Variants in CSN1S1 observed in about 807,000 individuals in gnomAD.
The protein encoded by CSN1S1 is alpha-S1-casein.
Under a neutral mutation model 49.1 loss-of-function variants are expected in CSN1S1, and 63 were observed. That is an observed-to-expected ratio of 1.28 (90% CI 1.05 to 1.58). CSN1S1 has a LOEUF of 1.58. Among genes scored for constraint, CSN1S1 ranks in the 40% most tolerant of loss-of-function variants. The pLI, the probability that CSN1S1 is intolerant of heterozygous loss-of-function variation, is 0.00. For missense variants in CSN1S1, 260 were observed against 224.7 expected (o/e 1.16, Z -1.01); for synonymous variants, 78 against 67.1 (o/e 1.16, Z -0.79).
At chr4:69,941,476 A>T (rs187034615) in intron 12 of CSN1S1, among the ~76,000 whole-genome samples, 8 of 151,984 alleles carry the variant, frequency 5.3e-5, no homozygotes, top group Admixed American at 2.0e-4. Context: ...TAAACATCAG[A>T]TTTGCTTCTG....
chr4:69,936,478 G>T lies in CSN1S1; in HGVS notation c.152G>T (p.Arg51Met). Residue 51 changes from arginine to methionine, a missense_variant and splice_region_variant, in exon 6 of 16, where the codon AGG becomes ATG. Arg to Met is a moderately conservative substitution (Grantham distance 91, BLOSUM62 -1). Coordinates refer to ENST00000246891, the MANE Select transcript of CSN1S1 (RefSeq NM_001890.2). Reference protein sequence around the residue: ...SREEYMNGMNRQRNILREKQT... With the variant: ...SREEYMNGMNMQRNILREKQT... ...AAGGAATACATGAATGGTATGAACA[G>T]GGTAAGAAACATCAATGAAATTTAA... 6.4e-7 allele frequency: 1 copy of T among 1,573,464 alleles called. No homozygotes were observed. The highest frequency in any genetic ancestry group is 8.7e-7 in the Non-Finnish European group (1 of 1,145,290).
chr4:69,937,054 C>A, intron 7 of CSN1S1, 67 bp from the exon 8 acceptor site: 1 of 1,352,136 alleles, frequency 7.4e-7, no homozygotes, highest in Non-Finnish European at 1.0e-6. Context: ...GGTGCTCAAA[C>A]TTTATGAGAT....
Position 69,943,173 on chromosome 4 carries a change from T to C in CSN1S1, c.402+596T>C, listed in dbSNP as rs1057383164. ...TAATTTTCCATGTGAATATTATTAT[T>C]ATTATTATTATTATTATTATTATTA... On this transcript the variant is annotated intron_variant, in intron 14 of 15. Transcript: ENST00000246891. Among the ~76,000 whole-genome samples, 19 of 8,374 alleles carry C rather than the reference T, an allele frequency of 2.3e-3. 1 individual carries two copies. The Admixed American group carries it at 0.077, about 34-fold the overall frequency. 5.5% of individuals were successfully genotyped at this position (8,374 alleles called of 152,430 possible). A position where few individuals can be genotyped will look rare whatever the true frequency, so the allele number is the denominator to read the frequency against.
Position 69,937,705 on chromosome 4 carries a change from T to A in CSN1S1, c.220-95T>A, listed in dbSNP as rs936043791. 5.1e-6 allele frequency: 5 copies of A among 975,256 alleles called. No individual in the cohort carries two copies. The African/African-American group carries it at 6.8e-5, about 13-fold the overall frequency. The allele number at this position is 975,256 out of a possible 1,614,324, so 60.4% of individuals were successfully genotyped here. ...TTACTTTTATATTGTCTCAGTTTTC[T>A]ATTTTCTTTGACATCCATTTTATTT... On this transcript the variant is annotated intron_variant, in intron 8 of 15. Coordinates refer to ENST00000246891, the MANE Select transcript of CSN1S1 (RefSeq NM_001890.2).
At chr4:69,933,729 A>G (rs769431874) in intron 2 of CSN1S1, among the ~76,000 whole-genome samples, 1 of 152,034 alleles carries the variant, frequency 6.6e-6, no homozygotes, top group Non-Finnish European at 1.5e-5. Context: ...CCACACTCAA[A>G]ATGCAGAATG....
chr4:69,942,096 G>A (rs1220614609), intron 13 of CSN1S1, 33 bp downstream of exon 13: 1 of 1,325,678 alleles, frequency 7.5e-7, no homozygotes, highest in African/African-American at 1.5e-5. Flanking sequence ...AAATATTTTA[G>A]TATTTCCTTC....
At chr4:69,942,695 C>T in intron 14 of CSN1S1, 118 bp downstream of exon 14, 1 of 747,254 alleles carries the variant, frequency 1.3e-6, no homozygotes, top group East Asian at 2.7e-5. Context: ...ATTTCTCACT[C>T]CCAACTTAAA....
In CSN1S1 at chr4:69,937,817, G is replaced by C. The variant is rs376616166; in HGVS notation, c.237G>C (p.Glu79Asp). The C allele has an allele frequency of 6.3e-7, 1 of 1,596,678 alleles. No individual in the cohort carries two copies. The highest frequency in any genetic ancestry group is 1.8e-5 in the Admixed American group (1 of 56,222). The change falls in exon 9 of 16, where the codon GAG becomes GAC. Residue 79 changes from glutamate (E) to aspartate (D), a missense_variant. Transcript: ENST00000246891. The part of the protein sequence containing the change: ...NESTQNCVVA[E>D]PEKMESSISS... ...TTCTTAAGAACTGTGTTGTGGCAGAGCCTGAGGTAAGACCCATTCATTCTA... is the reference window on the plus strand; with the variant it reads ...TTCTTAAGAACTGTGTTGTGGCAGACCCTGAGGTAAGACCCATTCATTCTA...
chr4:69,946,061 C>T, intron 15 of CSN1S1, 135 bp from the exon 16 acceptor site: 1 of 329,848 alleles, frequency 3.0e-6, no homozygotes, highest in Non-Finnish European at 5.9e-6. Context: ...ATGTCAGTAA[C>T]AGGAAAGCAT....
intron 3 of CSN1S1, 122 bp from the exon 4 acceptor site, chr4:69,934,568 C>A: frequency 1.2e-6 from 1 of 839,384 alleles, no homozygotes; most frequent in Non-Finnish European, 1.9e-6. Flanking sequence ...ACAGTTTGGT[C>A]TCATTTGATA....
At chr4:69,937,238 T>C (rs1294932666) in intron 8 of CSN1S1, 94 bp downstream of exon 8, 1 of 931,180 alleles carries the variant, frequency 1.1e-6, no homozygotes, top group Non-Finnish European at 1.6e-6. Flanking sequence ...ATAAAAACTA[T>C]GGCAGATAAC....
At chr4:69,943,233 G>T (rs1458320767) in intron 14 of CSN1S1, among the ~76,000 whole-genome samples, 2 of 150,962 alleles carry the variant, frequency 1.3e-5, no homozygotes, top group African/African-American at 4.9e-5. Context: ...TGCTGAGCTG[G>T]AGTGCAGTGG....
At chr4:69,936,416 T>G (rs1380145875) in intron 5 of CSN1S1, 40 bp from the exon 6 acceptor site, 2 of 1,439,324 alleles carry the variant, frequency 1.4e-6, no homozygotes, top group African/African-American at 2.8e-5. Context: ...GTATGTCTTG[T>G]TTCACTAATA....
chr4:69,934,735 G>C, intron 4 of CSN1S1, 25 bp downstream of exon 4: 1 of 1,601,774 alleles, frequency 6.2e-7, no homozygotes, highest in Non-Finnish European at 8.5e-7. Context: ...TGGGGAGTCA[G>C]GATTCTCTCT....
intron 13 of CSN1S1, 170 bp from the exon 14 acceptor site, chr4:69,942,366 T>G: frequency 3.0e-6 from 2 of 659,936 alleles, no homozygotes; most frequent in Non-Finnish European, 5.2e-6. Flanking sequence ...AATTTTTTTC[T>G]GACATTAGAA....
In CSN1S1 at chr4:69,946,373, A is replaced by G. The variant is rs150239378; in HGVS notation, c.*177A>G. On this transcript the variant is annotated 3_prime_UTR_variant, in exon 16 of 16. Transcript: ENST00000246891. Reference sequence around the variant, plus strand: ...TAAGCTAAATTTTCCTAGAGAGTTTATTGTCTAAATTTCAGTTGTGTCTTG... The same window carrying G: ...TAAGCTAAATTTTCCTAGAGAGTTTGTTGTCTAAATTTCAGTTGTGTCTTG... 8.2e-4 allele frequency: 242 copies of G among 294,096 alleles called. 3 individuals carry two copies. The highest frequency in any genetic ancestry group is 5.1e-3 in the African/African-American group (237 of 46,148). The allele number at this position is 294,096 out of a possible 1,614,324, so 18.2% of individuals were successfully genotyped here.
chr4:69,932,160 G>GA (rs1210934102), intron 1 of CSN1S1, among the ~76,000 whole-genome samples: 3 of 151,696 alleles, frequency 2.0e-5, no homozygotes, highest in Non-Finnish European at 4.4e-5. Flanking sequence ...GCCCACTTTA[G>GA]AAAATCTGAT....
Position 69,946,274 on chromosome 4 carries a change from G to C in CSN1S1, c.*78G>C, listed in dbSNP as rs1414519783. Reference sequence around the variant, plus strand: ...ATCTGAAGACTGGACTGTTGTTTTAGAATAGTAAAATCCCATATTGAAGGA... The same window carrying C: ...ATCTGAAGACTGGACTGTTGTTTTACAATAGTAAAATCCCATATTGAAGGA... On this transcript the variant is annotated 3_prime_UTR_variant, in exon 16 of 16. Transcript: ENST00000246891. 2.4e-6 allele frequency: 1 copy of C among 425,338 alleles called. No homozygotes were observed. Among genetic ancestry groups the C allele is most frequent in the Non-Finnish European group, 4.4e-6 (1 of 226,044 alleles). The allele number at this position is 425,338 out of a possible 1,614,324, so 26.3% of individuals were successfully genotyped here.
chr4:69,931,868 G>A (rs1403752042), intron 1 of CSN1S1, among the ~76,000 whole-genome samples: 1 of 151,506 alleles, frequency 6.6e-6, no homozygotes. Flanking sequence ...ATGAAACTCT[G>A]GAAATCAAAT....
Sources: allele counts gnomAD v4.1 joint callset (sites outside exome capture counted in the v4.1 genomes callset), GRCh38; gene constraint gnomAD v4.1.1; transcripts MANE v1.5; gene names NCBI Gene and HGNC (gene_info 2026-07-23, HGNC 2026-07-21).